The following PCLAF variants were observed in gnomAD, a reference collection of about 807,000 sequenced individuals.
The protein encoded by PCLAF is PCNA-associated factor.
Under a neutral mutation model 15.1 loss-of-function variants are expected in PCLAF, and 12 were observed. The ratio of observed to expected loss-of-function variants is 0.79; its 90% CI spans 0.51 to 1.29. The LOEUF (loss-of-function observed/expected upper bound fraction) is 1.29, where lower values mean the gene tolerates loss of function less well. PCLAF is among the 50% of genes most tolerant of loss of function. The pLI is 0.00. For synonymous variants in PCLAF, 33 were observed against 47.1 expected, an observed-to-expected ratio of 0.70 and a Z score of 1.22; for missense variants, 116 against 130.9, an observed-to-expected ratio of 0.89 and a Z score of 0.56.
upstream of PCLAF, chr15:64,381,497 G>T: frequency 6.3e-7 from 1 of 1,577,050 alleles, no homozygotes; most frequent in Non-Finnish European, 8.6e-7. Context: ...GCGCTCCAAG[G>T]TCTCTCCCGA....
chr15:64,382,153 G>T (rs545066421), upstream of PCLAF, among the ~76,000 whole-genome samples: 1 of 152,292 alleles, frequency 6.6e-6, no homozygotes, highest in African/African-American at 2.4e-5. Context: ...CACTTTGAGA[G>T]GCCGAGGCGG....
At chr15:64,376,496 T>C (rs577740630) in intron 3 of PCLAF, among the ~76,000 whole-genome samples, 1 of 152,282 alleles carries the variant, frequency 6.6e-6, no homozygotes, top group South Asian at 2.1e-4. Context: ...TAGGTATATG[T>C]GTGCATGGTG....
In PCLAF at chr15:64,381,367, A is replaced by AT; in HGVS notation, c.4_5insA (p.Val2AspfsTer4). On this transcript the variant is annotated frameshift_variant, in exon 1 of 4. Transcript: ENST00000300035. LOFTEE classifies it high-confidence loss of function. ...TGGAACACTGTCTGCTTTAGTCCGC[A>AT]CCATGTTCAAACAAGAAGAGAGGAG... is the stretch of plus-strand genomic sequence containing the variant. 6.2e-7 allele frequency: 1 copy of AT among 1,614,114 alleles called. No individual in the cohort carries two copies. Among genetic ancestry groups the AT allele is most frequent in the East Asian group, 2.2e-5 (1 of 44,866 alleles).
At chr15:64,384,880 A>G (rs909241950), upstream of PCLAF, among the ~76,000 whole-genome samples, 2 of 152,182 alleles carry the variant, frequency 1.3e-5, no homozygotes, top group Non-Finnish European at 1.5e-5. Flanking sequence ...CATAATTAAC[A>G]TATGACTTAT....
intron 3 of PCLAF, among the ~76,000 whole-genome samples, chr15:64,375,641 C>A (rs552899090): frequency 6.6e-6 from 1 of 152,162 alleles, no homozygotes; most frequent in African/African-American, 2.4e-5. Flanking sequence ...GATCTGCCCA[C>A]TGTAGCCTCC....
intron 3 of PCLAF, among the ~76,000 whole-genome samples, chr15:64,367,920 A>C (rs1217842817): frequency 6.6e-6 from 1 of 151,658 alleles, no homozygotes; most frequent in African/African-American, 2.4e-5. Context: ...TTGGTTTATT[A>C]GAGCTGACAA....
chr15:64,365,820 A>G lies in PCLAF; in HGVS notation c.*210T>C. ...TTTGGTAAAAGAAACCAAACAATGC[A>G]TTATATTGAATACTAAGCTAAGTTA... On this transcript the variant is annotated 3_prime_UTR_variant, in exon 4 of 4. Coordinates refer to ENST00000300035, the MANE Select transcript of PCLAF (RefSeq NM_014736.6). 1 of 551,210 alleles carries G rather than the reference A, an allele frequency of 1.8e-6. No homozygotes were observed. The allele number at this position is 551,210 out of a possible 1,614,324, so 34.1% of individuals were successfully genotyped here.
intron 2 of PCLAF, among the ~76,000 whole-genome samples, chr15:64,377,488 A>AT (rs1433390828): frequency 6.8e-5 from 2 of 29,320 alleles, no homozygotes; most frequent in African/African-American, 2.9e-4. Context: ...AAAAAAAAAA[A>AT]ATATATATAT....
chr15:64,384,126 A>C (rs905713009), upstream of PCLAF, among the ~76,000 whole-genome samples: 4 of 151,994 alleles, frequency 2.6e-5, no homozygotes, highest in Non-Finnish European at 5.9e-5. Flanking sequence ...TTTCTGCCTA[A>C]ATTTATTTAT....
At chr15:64,369,119 T>C (rs1405166896) in intron 3 of PCLAF, among the ~76,000 whole-genome samples, 1 of 152,110 alleles carries the variant, frequency 6.6e-6, no homozygotes, top group Non-Finnish European at 1.5e-5. Flanking sequence ...CCCAACACTT[T>C]GGGAAGCTGA....
At chr15:64,372,924 A>G (rs1899404371) in intron 3 of PCLAF, among the ~76,000 whole-genome samples, 1 of 151,612 alleles carries the variant, frequency 6.6e-6, no homozygotes, top group Admixed American at 6.6e-5. Flanking sequence ...CCAAGATAGC[A>G]CCACTGCACG....
At chr15:64,386,378 T>C (rs1316552056), upstream of PCLAF, among the ~76,000 whole-genome samples, 2 of 152,186 alleles carry the variant, frequency 1.3e-5, no homozygotes, top group Non-Finnish European at 2.9e-5. Context: ...TGGAGTGCAG[T>C]AGTGCAATCA....
At chr15:64,381,569 A>C (rs549945260), upstream of PCLAF, 1,118 of 1,430,696 alleles carry the variant, frequency 7.8e-4, 2 homozygotes, top group Non-Finnish European at 9.1e-4. Context: ...CCCAGTGGTG[A>C]CAGCGGCGAG....
At chr15:64,374,577 G>T (rs550362830) in intron 3 of PCLAF, among the ~76,000 whole-genome samples, 87 of 151,954 alleles carry the variant, frequency 5.7e-4, no homozygotes, top group African/African-American at 2.0e-3. Flanking sequence ...AGGTGTGGCA[G>T]CTTATGCCTG....
chr15:64,376,501 A>G lies in PCLAF; in HGVS notation c.290+242T>C, dbSNP rs117376291. 2.6e-3 allele frequency among the ~76,000 whole-genome samples: 391 copies of G among 152,262 alleles called. 11 individuals are homozygous for G. In the East Asian group the frequency reaches 0.051, roughly 20 times the overall value. ...GTTTGTTATATAGGTATATGTGTGC[A>G]TGGTGGTTTGCTGCACCAAGCAATT... is the stretch of plus-strand genomic sequence containing the variant. On this transcript the variant is annotated intron_variant, in intron 3 of 3. Coordinates refer to ENST00000300035, the MANE Select transcript of PCLAF (RefSeq NM_014736.6).
chr15:64,373,259 T>C lies in PCLAF; in HGVS notation c.290+3484A>G, dbSNP rs560545694. ...TTTGATGTTCTCTTTCTCCTCTGTC[T>C]TATACGTGAAACTCCAACAGATTTA... is the stretch of plus-strand genomic sequence containing the variant. On this transcript the variant is annotated intron_variant, in intron 3 of 3. Transcript: ENST00000300035. 5.2e-5 allele frequency: 8 copies of C among 154,594 alleles called. No homozygotes were observed. In the Admixed American group the frequency reaches 5.2e-4, roughly 10 times the overall value. 9.6% of individuals were successfully genotyped at this position (154,594 alleles called of 1,614,324 possible).
chr15:64,383,346 T>G (rs900505744), upstream of PCLAF, among the ~76,000 whole-genome samples: 1 of 151,722 alleles, frequency 6.6e-6, no homozygotes, highest in Admixed American at 6.6e-5. Flanking sequence ...CCCATCTCAT[T>G]GCACAGTGGT....
At chr15:64,382,829 TA>T (rs1449635247), upstream of PCLAF, 3 of 280,368 alleles carry the variant, frequency 1.1e-5, no homozygotes, top group Non-Finnish European at 2.1e-5. Flanking sequence ...AAAATAAAAA[TA>T]AAAAATAAAA....
At chr15:64,382,545 G>T (rs1219618096), upstream of PCLAF, 1 of 153,380 alleles carries the variant, frequency 6.5e-6, no homozygotes. Flanking sequence ...TGCCAAATGT[G>T]GTAAGACCAC....
Sources: gnomAD v4.1 joint callset for allele counts (sites outside exome capture counted in the v4.1 genomes callset) on GRCh38, gnomAD v4.1.1 for gene constraint, MANE v1.5 for transcripts, NCBI Gene and HGNC (gene_info 2026-07-23, HGNC 2026-07-21) for gene names.